BCL7A: variants seen among roughly 807,000 people sequenced by gnomAD.
BCL7A encodes B-cell CLL/lymphoma 7 protein family member A.
In BCL7A, 11 loss-of-function variants were observed where a neutral mutation model predicts 28.4. The ratio of observed to expected loss-of-function variants is 0.39; its 90% CI spans 0.24 to 0.64. The LOEUF (loss-of-function observed/expected upper bound fraction) is 0.64, where lower values mean the gene tolerates loss of function less well. BCL7A is among the 30% of genes least tolerant of loss of function. The pLI, the probability that BCL7A is intolerant of heterozygous loss-of-function variation, is 0.50. For missense variants in BCL7A, 222 were observed against 274.8 expected, an observed-to-expected ratio of 0.81 and a Z score of 1.36; for synonymous variants, 123 against 103.3, an observed-to-expected ratio of 1.19 and a Z score of -1.15.
intron 3 of BCL7A, 34 bp from the exon 4 acceptor site, chr12:122,043,851 AT>A: frequency 6.4e-7 from 1 of 1,567,218 alleles, no homozygotes; most frequent in East Asian, 2.3e-5. Flanking sequence ...CAGCTGTGGG[AT>A]TTCATCCTGT....
intron 3 of BCL7A, among the ~76,000 whole-genome samples, chr12:122,036,708 G>C (rs2135847172): frequency 7.6e-6 from 1 of 130,854 alleles, no homozygotes; most frequent in East Asian, 2.5e-4. Context: ...CAAACCTAAA[G>C]CTCCTTTTTT....
intron 1 of BCL7A, among the ~76,000 whole-genome samples, chr12:122,024,247 T>G (rs1883558892): frequency 6.6e-6 from 1 of 152,196 alleles, no homozygotes; most frequent in Admixed American, 6.5e-5. Flanking sequence ...AGCTTCCAGT[T>G]CACTTCGTTG....
chr12:122,045,334 T>C (rs564526645), intron 4 of BCL7A, among the ~76,000 whole-genome samples: 1 of 152,124 alleles, frequency 6.6e-6, no homozygotes, highest in Non-Finnish European at 1.5e-5. Flanking sequence ...TGAGCCGAAA[T>C]TGTGCCATTG....
At chr12:122,025,860 T>C (rs1883615799) in intron 1 of BCL7A, among the ~76,000 whole-genome samples, 1 of 145,084 alleles carries the variant, frequency 6.9e-6, no homozygotes, top group East Asian at 2.1e-4. Flanking sequence ...GGCAGGAAAA[T>C]TGCTTGAACC....
At position 122,021,999 on chromosome 12, in the gene BCL7A, A is replaced by G; in HGVS notation, c.-93A>G. On this transcript the variant is annotated 5_prime_UTR_variant, in exon 1 of 6. Coordinates refer to ENST00000261822, the MANE Select transcript of BCL7A (RefSeq NM_001024808.3). ...GAGTGCGAGTGTCTGTGCGCGAGTG[A>G]GTGAGCGGCGGGCGGGCGCGAGTGT... 1 of 1,020,220 alleles carries G rather than the reference A, an allele frequency of 9.8e-7. No homozygotes were observed. The highest frequency in any genetic ancestry group is 1.4e-6 in the Non-Finnish European group (1 of 694,710). The allele number at this position is 1,020,220 out of a possible 1,614,324, so 63.2% of individuals were successfully genotyped here.
At position 122,021,918 on chromosome 12, in the gene BCL7A, G is replaced by GTGTGTGTGTA. The variant is rs1193794936; in HGVS notation, c.-165_-164insATGTGTGTGT. On this transcript the variant is annotated 5_prime_UTR_variant, in exon 1 of 6. It adds an upstream start codon to the 5' untranslated region. Coordinates refer to ENST00000261822, the MANE Select transcript of BCL7A (RefSeq NM_001024808.3). Reference sequence around the variant, plus strand: ...CAGGCGCGCGGCGGCCCCGGGCTTTGTGTGTGTGTGTATGTGTGTGTGTGT... The same window carrying GTGTGTGTGTA: ...CAGGCGCGCGGCGGCCCCGGGCTTTGTGTGTGTGTATGTGTGTGTGTATGTGTGTGTGTGT... 2.3e-4 allele frequency: 69 copies of GTGTGTGTGTA among 296,504 alleles called. No homozygotes were observed. Among genetic ancestry groups the GTGTGTGTGTA allele is most frequent in the African/African-American group, 9.8e-4 (35 of 35,754 alleles). The allele number at this position is 296,504 out of a possible 1,614,324, so 18.4% of individuals were successfully genotyped here. A position where few individuals can be genotyped will look rare whatever the true frequency, so the allele number is the denominator to read the frequency against.
rs1388401647 is a variant in BCL7A at position 122,034,426 on chromosome 12, A to G, written c.175-905A>G. On this transcript the variant is annotated intron_variant, in intron 2 of 5. Transcript: ENST00000261822. The stretch of plus-strand genomic sequence containing the variant: ...TTGTTTCTAACATGATTCCTTTCGT[A>G]AAAAAAAAAAAAAAAAAAAAATTGA... Among the ~76,000 whole-genome samples the G allele has an allele frequency of 1.8e-4, 3 of 16,978 alleles. No individual in the cohort carries two copies. In the Admixed American group the frequency reaches 2.1e-3, roughly 12 times the overall value. The allele number at this position is 16,978 out of a possible 152,430, so 11.1% of individuals were successfully genotyped here.
Position 122,061,331 on chromosome 12 carries a change from C to G in BCL7A, c.*2168C>G, listed in dbSNP as rs1223890934. ...GAGTTGGCGCAGGTGAGGACTCAGACGACGTCCACCGTCCCAAGGCTGTCA... is the reference window on the plus strand; with the variant it reads ...GAGTTGGCGCAGGTGAGGACTCAGAGGACGTCCACCGTCCCAAGGCTGTCA... On this transcript the variant is annotated 3_prime_UTR_variant, in exon 6 of 6. Coordinates refer to ENST00000261822, the MANE Select transcript of BCL7A (RefSeq NM_001024808.3). 1 of 230,878 alleles carries G rather than the reference C, an allele frequency of 4.3e-6. No individual in the cohort carries two copies. The highest frequency in any genetic ancestry group is 8.6e-6 in the Non-Finnish European group (1 of 116,636). The allele number at this position is 230,878 out of a possible 1,614,324, so 14.3% of individuals were successfully genotyped here.
intron 3 of BCL7A, among the ~76,000 whole-genome samples, chr12:122,039,310 TA>T (rs1008816846): frequency 0.011 from 1,555 of 142,270 alleles, 33 homozygotes; most frequent in African/African-American, 0.032. Context: ...AAAAATAGAT[TA>T]AAAAAAAAAA....
intron 5 of BCL7A, among the ~76,000 whole-genome samples, chr12:122,058,535 T>A (rs1219150232): frequency 6.6e-6 from 1 of 152,134 alleles, no homozygotes; most frequent in Non-Finnish European, 1.5e-5. Flanking sequence ...GGCGCGTGCC[T>A]GTAATCACAG....
chr12:122,024,201 C>T (rs1259508488), intron 1 of BCL7A, among the ~76,000 whole-genome samples: 1 of 152,236 alleles, frequency 6.6e-6, no homozygotes, highest in East Asian at 1.9e-4. Flanking sequence ...CACATCGTGT[C>T]CTCTGAAGAC....
chr12:122,025,183 A>G (rs1883591145), intron 1 of BCL7A, among the ~76,000 whole-genome samples: 2 of 152,224 alleles, frequency 1.3e-5, no homozygotes, highest in African/African-American at 4.8e-5. Flanking sequence ...CGATGGTAGG[A>G]GACGAAAGCT....
At position 122,060,222 on chromosome 12, in the gene BCL7A, C is replaced by T. The variant is rs948123274; in HGVS notation, c.*1059C>T. On this transcript the variant is annotated 3_prime_UTR_variant, in exon 6 of 6. Coordinates refer to ENST00000261822, the MANE Select transcript of BCL7A (RefSeq NM_001024808.3). Reference sequence around the variant, plus strand: ...TCCCCCGACGCCCCAGCCTGTGCCCCGGAGAGGCAGGATCGCAGTGGTCAG... The same window carrying T: ...TCCCCCGACGCCCCAGCCTGTGCCCTGGAGAGGCAGGATCGCAGTGGTCAG... 5 of 232,928 alleles carry T rather than the reference C, an allele frequency of 2.1e-5. No individual in the cohort carries two copies. The highest frequency in any genetic ancestry group is 6.6e-5 in the African/African-American group (3 of 45,306). 14.4% of individuals were successfully genotyped at this position (232,928 alleles called of 1,614,324 possible).
intron 1 of BCL7A, among the ~76,000 whole-genome samples, chr12:122,027,987 G>T (rs527531818): frequency 6.6e-6 from 1 of 152,150 alleles, no homozygotes; most frequent in African/African-American, 2.4e-5. Flanking sequence ...CAGCTGCTCC[G>T]CTGAACCCGT....
chr12:122,027,501 C>T (rs962954608), intron 1 of BCL7A, among the ~76,000 whole-genome samples: 3 of 152,112 alleles, frequency 2.0e-5, no homozygotes, highest in African/African-American at 4.8e-5. Context: ...GATCGCACCA[C>T]CGCACTCCAG....
chr12:122,049,859 T>G (rs1884155200), intron 4 of BCL7A, among the ~76,000 whole-genome samples: 1 of 152,116 alleles, frequency 6.6e-6, no homozygotes, highest in Non-Finnish European at 1.5e-5. Flanking sequence ...AGGCTGCATA[T>G]GCACTCAGAA....
rs528911935 is a variant in BCL7A at position 122,043,911 on chromosome 12, C to T, written c.297C>T (p.Ile99=). ...MHDDNSNQSS[I]ADASPIKQEN... is the part of the protein sequence containing the mutation. ...ACGATAACAGCAACCAGAGCTCCAT[C>T]GCAGATGCCTCCCCCATCAAACAGG... is the stretch of plus-strand genomic sequence containing the variant. The change falls in exon 4 of 6, where the codon ATC becomes ATT. Residue 99 remains isoleucine (I), a synonymous_variant. Coordinates refer to ENST00000261822, the MANE Select transcript of BCL7A (RefSeq NM_001024808.3). The T allele has an allele frequency of 1.1e-4, 181 of 1,613,696 alleles. No individual in the cohort carries two copies. The highest frequency in any genetic ancestry group is 1.3e-4 in the African/African-American group (10 of 74,910).
At chr12:122,050,693 G>A (rs931743396) in intron 4 of BCL7A, among the ~76,000 whole-genome samples, 1 of 152,242 alleles carries the variant, frequency 6.6e-6, no homozygotes, top group Admixed American at 6.5e-5. Context: ...CTACTCGGGA[G>A]GCTAAGGTGG....
chr12:122,060,294 C>A lies in BCL7A; in HGVS notation c.*1131C>A, dbSNP rs1223545691. ...TCAGGCTGTTCTGACTCTGAGCCAA[C>A]AGCTGGACCGTGTCTCATCCCCAGA... On this transcript the variant is annotated 3_prime_UTR_variant, in exon 6 of 6. Transcript: ENST00000261822. 8.6e-6 allele frequency: 2 copies of A among 232,944 alleles called. No individual in the cohort carries two copies. The highest frequency in any genetic ancestry group is 1.7e-5 in the Non-Finnish European group (2 of 117,656). The allele number at this position is 232,944 out of a possible 1,614,324, so 14.4% of individuals were successfully genotyped here.
Sources: gnomAD v4.1 joint callset for allele counts (sites outside exome capture counted in the v4.1 genomes callset) on GRCh38, gnomAD v4.1.1 for gene constraint, MANE v1.5 for transcripts, NCBI Gene and HGNC (gene_info 2026-07-23, HGNC 2026-07-21) for gene names.